Variants in HS6ST3 observed in about 807,000 individuals in gnomAD.
HS6ST3 encodes the protein heparan-sulfate 6-O-sulfotransferase 3.
Under a neutral mutation model 36.7 loss-of-function variants are expected in HS6ST3, and 12 were observed. The ratio of observed to expected loss-of-function variants is 0.33; its 90% confidence interval spans 0.21 to 0.53. The LOEUF (loss-of-function observed/expected upper bound fraction) is 0.53, where lower values mean the gene tolerates loss of function less well. HS6ST3 is among the 20% of genes least tolerant of loss of function. The pLI, the probability that HS6ST3 is intolerant of heterozygous loss-of-function variation, is 0.95. For synonymous variants in HS6ST3, 240 were observed against 257.5 expected, an observed-to-expected ratio of 0.93 and a Z score of 0.65; for missense variants, 584 against 640.9, an observed-to-expected ratio of 0.91 and a Z score of 0.96.
intron 1 of HS6ST3, among the ~76,000 whole-genome samples, chr13:96,349,135 A>C (rs2055169638): frequency 6.6e-6 from 1 of 152,188 alleles, no homozygotes; most frequent in Non-Finnish European, 1.5e-5. Flanking sequence ...TTTGACTCTA[A>C]TTCTTTTCTG....
intron 1 of HS6ST3, among the ~76,000 whole-genome samples, chr13:96,783,374 T>A (rs115378244): frequency 0.015 from 2,333 of 152,274 alleles, 60 homozygotes; most frequent in African/African-American, 0.053. Context: ...GAATTTTTTT[T>A]ATTTTTATCC....
At chr13:96,275,374 G>C (rs1270343259) in intron 1 of HS6ST3, among the ~76,000 whole-genome samples, 1 of 152,066 alleles carries the variant, frequency 6.6e-6, no homozygotes, top group Non-Finnish European at 1.5e-5. Context: ...TTTGAGCTTT[G>C]GGTGTTATCA....
In HS6ST3 at chr13:96,464,030, T is replaced by G. The variant is rs2055798630; in HGVS notation, c.708-368460T>G. ...AGTCCCATAGACAGGTTTTTTTTTTTTTTTTTTTTTTTTAAATAAACACAG... is the reference window on the plus strand; with the variant it reads ...AGTCCCATAGACAGGTTTTTTTTTTGTTTTTTTTTTTTTAAATAAACACAG... On this transcript the variant is annotated intron_variant, in intron 1 of 1. Transcript: ENST00000376705. Among the ~76,000 whole-genome samples, 3 of 148,724 alleles carry G rather than the reference T, an allele frequency of 2.0e-5. No individual in the cohort carries two copies. In the South Asian group the frequency reaches 6.4e-4, roughly 32 times the overall value.
At chr13:96,163,727 C>A (rs947586085) in intron 1 of HS6ST3, among the ~76,000 whole-genome samples, 3 of 152,116 alleles carry the variant, frequency 2.0e-5, no homozygotes, top group African/African-American at 2.4e-5. Context: ...TTCCCCCCAG[C>A]ATGGAAATAT....
intron 1 of HS6ST3, among the ~76,000 whole-genome samples, chr13:96,471,717 CT>C (rs2055841192): frequency 6.6e-6 from 1 of 152,134 alleles, no homozygotes; most frequent in South Asian, 2.1e-4. Context: ...GCTAATGGTC[CT>C]TATGGATTCT....
intron 1 of HS6ST3, among the ~76,000 whole-genome samples, chr13:96,132,171 C>G (rs1027979109): frequency 2.3e-5 from 3 of 131,482 alleles, no homozygotes; most frequent in South Asian, 2.5e-4. Flanking sequence ...CACACACACA[C>G]AGAGCGCATT....
chr13:96,172,912 T>C (rs547818266), intron 1 of HS6ST3, among the ~76,000 whole-genome samples: 1 of 152,350 alleles, frequency 6.6e-6, no homozygotes, highest in African/African-American at 2.4e-5. Flanking sequence ...ATTTTACATG[T>C]TATCTCATTT....
chr13:96,687,649 T>G (rs533159552), intron 1 of HS6ST3, among the ~76,000 whole-genome samples: 1 of 152,002 alleles, frequency 6.6e-6, no homozygotes, highest in South Asian at 2.1e-4. Context: ...GTACACACTA[T>G]GATCTGTATG....
intron 1 of HS6ST3, among the ~76,000 whole-genome samples, chr13:96,354,402 G>A (rs971848561): frequency 6.6e-6 from 1 of 151,954 alleles, no homozygotes. Context: ...AGGACTGGGG[G>A]GTCTTGAGTG....
At chr13:96,612,321 A>T (rs187403056) in intron 1 of HS6ST3, among the ~76,000 whole-genome samples, 21 of 151,844 alleles carry the variant, frequency 1.4e-4, no homozygotes, top group African/African-American at 5.1e-4. Context: ...GGTTTCCCCC[A>T]ACCCCATTGG....
intron 1 of HS6ST3, among the ~76,000 whole-genome samples, chr13:96,454,643 G>A (rs2055745932): frequency 6.6e-6 from 1 of 151,570 alleles, no homozygotes; most frequent in Admixed American, 6.6e-5. Flanking sequence ...AAAACATTTA[G>A]GTTTTTTTAA....
chr13:96,723,544 C>G (rs1294743946), intron 1 of HS6ST3, among the ~76,000 whole-genome samples: 1 of 152,178 alleles, frequency 6.6e-6, no homozygotes, highest in Non-Finnish European at 1.5e-5. Context: ...CTAATTGTAA[C>G]TGATAAAACT....
intron 1 of HS6ST3, among the ~76,000 whole-genome samples, chr13:96,400,430 A>T (rs2055445537): frequency 6.6e-6 from 1 of 152,132 alleles, no homozygotes; most frequent in Non-Finnish European, 1.5e-5. Flanking sequence ...AATATCTAGT[A>T]AAGTGTCCTG....
In HS6ST3 at chr13:96,833,237, C is replaced by T; in HGVS notation, c.*39C>T. On this transcript the variant is annotated 3_prime_UTR_variant, in exon 2 of 2. Coordinates refer to ENST00000376705, the MANE Select transcript of HS6ST3 (RefSeq NM_153456.4). ...CCTCTCTCAGGAGGGGGAGGGTGAG[C>T]AGGCACATTGACTTTCTGTTGAGGT... The T allele has an allele frequency of 2.1e-6, 3 of 1,438,958 alleles. No homozygotes were observed. Among genetic ancestry groups the T allele is most frequent in the Non-Finnish European group, 2.8e-6 (3 of 1,090,288 alleles). 89.1% of individuals were successfully genotyped at this position (1,438,958 alleles called of 1,614,324 possible).
At chr13:96,455,208 A>C (rs1462614700) in intron 1 of HS6ST3, among the ~76,000 whole-genome samples, 1 of 152,074 alleles carries the variant, frequency 6.6e-6, no homozygotes. Context: ...TAATGTTTTC[A>C]CCACTACAAG....
chr13:96,220,631 C>T (rs1566292228), intron 1 of HS6ST3, among the ~76,000 whole-genome samples: 1 of 152,136 alleles, frequency 6.6e-6, no homozygotes, highest in Non-Finnish European at 1.5e-5. Context: ...ACCTTCTTTC[C>T]CTGCTAATAG....
chr13:96,268,289 A>G (rs905316730), intron 1 of HS6ST3, among the ~76,000 whole-genome samples: 1 of 151,998 alleles, frequency 6.6e-6, no homozygotes, highest in South Asian at 2.1e-4. Context: ...ACAGTTCCAC[A>G]GGGCTGGGGA....
intron 1 of HS6ST3, among the ~76,000 whole-genome samples, chr13:96,716,244 G>A (rs532680170): frequency 5.3e-5 from 8 of 151,992 alleles, no homozygotes; most frequent in African/African-American, 9.6e-5. Flanking sequence ...AAATGATTAC[G>A]AAAGATTTTT....
In HS6ST3 at chr13:96,487,653, G is replaced by T. The variant is rs569790489; in HGVS notation, c.708-344837G>T. ...CATACAAGGACAAAGGCCATGTTTG[G>T]TATCCATATGCCATGTCTTCTAGAA... is the stretch of plus-strand genomic sequence containing the variant. On this transcript the variant is annotated intron_variant, in intron 1 of 1. Coordinates refer to ENST00000376705, the MANE Select transcript of HS6ST3 (RefSeq NM_153456.4). Among the ~76,000 whole-genome samples, 19 of 152,128 alleles carry T rather than the reference G, an allele frequency of 1.2e-4. No individual in the cohort carries two copies. The South Asian group carries it at 4.0e-3, about 32-fold the overall frequency.
Sources: gnomAD v4.1 joint callset for allele counts (sites outside exome capture counted in the v4.1 genomes callset) on GRCh38, gnomAD v4.1.1 for gene constraint, MANE v1.5 for transcripts, NCBI Gene and HGNC (gene_info 2026-07-23, HGNC 2026-07-21) for gene names.